Variants in GLMN observed in about 807,000 individuals in gnomAD.
GLMN encodes the protein glomulin, FKBP associated protein.
In GLMN, 75 loss-of-function variants were observed where a neutral mutation model predicts 87.8. The observed-to-expected ratio is 0.85, with a 90% CI of 0.71 to 1.04. The LOEUF is 1.04. Among genes scored for constraint, GLMN ranks in the 50% least tolerant of loss-of-function variants. GLMN has a pLI of 0.00. For synonymous variants in GLMN, 206 were observed against 221.6 expected, an observed-to-expected ratio of 0.93 and a Z score of 0.63; for missense variants, 588 against 658.8, an observed-to-expected ratio of 0.89 and a Z score of 1.18.
the GLMN span, among the ~76,000 whole-genome samples, chr1:92,323,102 C>G: frequency 6.8e-6 from 1 of 146,318 alleles, no homozygotes; most frequent in Non-Finnish European, 1.5e-5. Context: ...TTTGCAACAA[C>G]AGGCAAATCC....
chr1:92,258,806 A>G (rs938320541), intron 16 of GLMN, among the ~76,000 whole-genome samples: 9 of 152,136 alleles, frequency 5.9e-5, no homozygotes, highest in African/African-American at 1.9e-4. Context: ...ATAGATGGTG[A>G]GTTGATGGGT....
chr1:92,288,957 T>C lies in GLMN; in HGVS notation c.589A>G (p.Asn197Asp), dbSNP rs1649090679. 2 of 1,610,438 alleles carry C rather than the reference T, an allele frequency of 1.2e-6. No homozygotes were observed. The highest frequency in any genetic ancestry group is 1.7e-6 in the Non-Finnish European group (2 of 1,176,718). ...FVEEVIDNKE[N>D]SLENEKLKDE... ...TTTAACTTTTCATTTTCCAGTGAGTTTTCTTTGTTATCAATGACTTCTTCC... is the reference window on the plus strand; with the variant it reads ...TTTAACTTTTCATTTTCCAGTGAGTCTTCTTTGTTATCAATGACTTCTTCC... Residue 197 changes from asparagine to aspartate, a missense_variant, in exon 6 of 19, where the codon AAC (asparagine) becomes GAC (aspartate). Asn to Asp is a conservative substitution (Grantham distance 23). Transcript: ENST00000370360.
the GLMN span, among the ~76,000 whole-genome samples, chr1:92,340,803 C>T: frequency 6.6e-6 from 1 of 152,252 alleles, no homozygotes; most frequent in East Asian, 1.9e-4. Context: ...TAGAATGTTA[C>T]ATTGGTTTAC....
Position 92,247,881 on chromosome 1 carries a change from G to A in GLMN, c.1582C>T (p.Gln528Ter), listed in dbSNP as rs147009011. The A allele has an allele frequency of 7.0e-6, 8 of 1,142,214 alleles. No homozygotes were observed. Among genetic ancestry groups the A allele is most frequent in the Non-Finnish European group, 1.1e-5 (8 of 751,358 alleles). The allele number at this position is 1,142,214 out of a possible 1,614,324, so 70.8% of individuals were successfully genotyped here. The change falls in exon 17 of 19, where the codon CAA becomes TAA. Residue 528 changes from glutamine to a stop codon, truncating the protein, a stop_gained. Transcript: ENST00000370360. LOFTEE classifies it high-confidence loss of function. ...AACAAAATTGCACATTACCAACCTT[G>A]GCTATTTTTAATTTCTGCTTCATAA... is the stretch of plus-strand genomic sequence containing the variant. ...AHYEAEIKNS[Q>*]EAQKSKDLCS...
chr1:92,332,401 G>A, the GLMN span, among the ~76,000 whole-genome samples: 2 of 151,864 alleles, frequency 1.3e-5, no homozygotes, highest in Non-Finnish European at 2.9e-5. Context: ...TTTAAATAAT[G>A]CTGATAACTT....
the GLMN span, among the ~76,000 whole-genome samples, chr1:92,357,168 C>A: frequency 1.6e-4 from 25 of 151,956 alleles, no homozygotes; most frequent in East Asian, 4.1e-3. Flanking sequence ...GTGTCTTAGA[C>A]CCTGTAGGGA....
intron 7 of GLMN, among the ~76,000 whole-genome samples, chr1:92,283,802 C>A (rs1648385375): frequency 6.6e-6 from 1 of 152,176 alleles, no homozygotes; most frequent in Non-Finnish European, 1.5e-5. Flanking sequence ...GTGCAAAAAT[C>A]ACAAGCATTC....
At chr1:92,271,393 G>A (rs1341018321) in intron 8 of GLMN, 72 bp downstream of exon 8, 1 of 1,080,742 alleles carries the variant, frequency 9.3e-7, no homozygotes, top group Non-Finnish European at 1.4e-6. Flanking sequence ...TGCATATATT[G>A]GACATTAGAT....
At chr1:92,336,339 A>G in the GLMN span, 4 of 1,597,368 alleles carry the variant, frequency 2.5e-6, no homozygotes, top group Non-Finnish European at 3.4e-6. Context: ...TAATTTTTAA[A>G]TTTTCAGGTT....
chr1:92,345,400 AAG>A, the GLMN span, among the ~76,000 whole-genome samples: 29 of 138,318 alleles, frequency 2.1e-4, no homozygotes, highest in Admixed American at 4.2e-4. Flanking sequence ...AAAAAAAAAA[AAG>A]AGAGAGAGAG....
At chr1:92,259,534 G>T (rs1654726851) in intron 16 of GLMN, among the ~76,000 whole-genome samples, 1 of 151,944 alleles carries the variant, frequency 6.6e-6, no homozygotes, top group Non-Finnish European at 1.5e-5. Context: ...TCACTTTGTT[G>T]TCTTTGTATT....
At chr1:92,311,910 CT>C in the GLMN span, among the ~76,000 whole-genome samples, 8 of 152,158 alleles carry the variant, frequency 5.3e-5, no homozygotes, top group Non-Finnish European at 1.2e-4. Flanking sequence ...AAGTATTAAT[CT>C]TTTTGCTGGT....
At position 92,298,956 on chromosome 1, in the gene GLMN, C is replaced by G. The variant is rs1650535696; in HGVS notation, c.-62G>C. 1 of 497,820 alleles carries G rather than the reference C, an allele frequency of 2.0e-6. No homozygotes were observed. Among genetic ancestry groups the G allele is most frequent in the Non-Finnish European group, 3.6e-6 (1 of 279,394 alleles). 30.8% of individuals were successfully genotyped at this position (497,820 alleles called of 1,614,324 possible). ...GAACCCTCGCCTCTCCCAGCCGCCGCCACCTCCTCCGGCGTCTTAGCCCGC... is the reference window on the plus strand; with the variant it reads ...GAACCCTCGCCTCTCCCAGCCGCCGGCACCTCCTCCGGCGTCTTAGCCCGC... On this transcript the variant is annotated 5_prime_UTR_variant, in exon 1 of 19. Coordinates refer to ENST00000370360, the MANE Select transcript of GLMN (RefSeq NM_053274.3).
intron 9 of GLMN, 129 bp downstream of exon 9, chr1:92,269,594 C>T: frequency 1.4e-6 from 1 of 693,052 alleles, no homozygotes; most frequent in South Asian, 1.6e-5. Flanking sequence ...AATTATTTGC[C>T]TCGCTGTTTT....
At chr1:92,278,312 AATG>A (rs1375456066) in intron 7 of GLMN, among the ~76,000 whole-genome samples, 3 of 152,156 alleles carry the variant, frequency 2.0e-5, no homozygotes, top group Non-Finnish European at 4.4e-5. Context: ...CACTGGTAAC[AATG>A]AAGAGCCCCC....
At position 92,292,586 on chromosome 1, in the gene GLMN, CT is replaced by C. The variant is rs1161512049; in HGVS notation, c.166-1050del. Among the ~76,000 whole-genome samples, 446 of 125,324 alleles carry C rather than the reference CT, an allele frequency of 3.6e-3. 5 individuals carry two copies. Among genetic ancestry groups the C allele is most frequent in the South Asian group, 0.011 (39 of 3,696 alleles). The allele number at this position is 125,324 out of a possible 152,430, so 82.2% of individuals were successfully genotyped here. A position where few individuals can be genotyped will look rare whatever the true frequency, so the allele number is the denominator to read the frequency against. On this transcript the variant is annotated intron_variant, in intron 3 of 18. Transcript: ENST00000370360. ...CCACCATGCCTGGCTAATTTTTTGC[CT>C]TTTTTTTTTTTTTTTTTAGTAGAGA... is the stretch of plus-strand genomic sequence containing the variant.
chr1:92,309,580 T>TACATACACATAC, the GLMN span, among the ~76,000 whole-genome samples: 6 of 147,842 alleles, frequency 4.1e-5, no homozygotes, highest in Non-Finnish European at 9.0e-5. Context: ...CATATACATA[T>TACATACACATAC]ACATACACAT....
At chr1:92,335,624 A>G in the GLMN span, among the ~76,000 whole-genome samples, 1 of 152,184 alleles carries the variant, frequency 6.6e-6, no homozygotes, top group African/African-American at 2.4e-5. Flanking sequence ...ATGGTATTAT[A>G]TAATACATGT....
In GLMN at chr1:92,297,972, T is replaced by C. The variant is rs771113895; in HGVS notation, c.28A>G (p.Ile10Val). MAVEELQSIIKRCQILEEQD... is the reference protein window; with the variant it reads MAVEELQSIVKRCQILEEQD... Reference sequence around the variant, plus strand: ...AAATTAATACTTACACATCTCTTTATTATAGACTGAAGTTCCTCTACAGCC... The same window carrying C: ...AAATTAATACTTACACATCTCTTTACTATAGACTGAAGTTCCTCTACAGCC... The change falls in exon 2 of 19, where the codon ATA (isoleucine) becomes GTA (valine). Residue 10 changes from isoleucine (I) to valine (V), a missense_variant. Physicochemically the swap from Ile to Val is conservative, Grantham distance 29. Coordinates refer to ENST00000370360, the MANE Select transcript of GLMN (RefSeq NM_053274.3). 5 of 1,470,852 alleles carry C rather than the reference T, an allele frequency of 3.4e-6. No individual in the cohort carries two copies. In the South Asian group the frequency reaches 5.7e-5, roughly 17 times the overall value. The allele number at this position is 1,470,852 out of a possible 1,614,324, so 91.1% of individuals were successfully genotyped here. A position where few individuals can be genotyped will look rare whatever the true frequency, so the allele number is the denominator to read the frequency against.
Sources: allele counts gnomAD v4.1 joint callset (sites outside exome capture counted in the v4.1 genomes callset), GRCh38; gene constraint gnomAD v4.1.1; transcripts MANE v1.5; gene names NCBI Gene and HGNC (gene_info 2026-07-23, HGNC 2026-07-21).